The following CAMTA2 variants were observed in gnomAD, a reference collection of about 807,000 sequenced individuals.
CAMTA2 encodes calmodulin-binding transcription activator 2.
CAMTA2 carries 56 observed loss-of-function variants against 135.7 expected under a neutral mutation model. The ratio of observed to expected loss-of-function variants is 0.41; its 90% CI spans 0.33 to 0.52. CAMTA2 has a LOEUF of 0.52. Ranked by LOEUF, CAMTA2 falls within the 20% of genes least tolerant of loss-of-function variation. CAMTA2 has a pLI of 0.16. For missense variants in CAMTA2, 1,358 were observed against 1,553.4 expected, an observed-to-expected ratio of 0.87 and a Z score of 2.11; for synonymous variants, 591 against 604.6, an observed-to-expected ratio of 0.98 and a Z score of 0.33.
intron 1 of CAMTA2, chr17:4,987,048 GT>G: frequency 7.1e-7 from 1 of 1,411,376 alleles, no homozygotes; most frequent in East Asian, 2.9e-5. Flanking sequence ...TCCGCCAGGT[GT>G]CCAGGATGGA....
chr17:4,970,415 C>T lies in CAMTA2; in HGVS notation c.2930G>A (p.Gly977Glu). 6.2e-7 allele frequency: 1 copy of T among 1,614,174 alleles called. No individual in the cohort carries two copies. ...ASMRERTGAV[G>E]LSETMSWLAS... ...CAGCCAGGACATGGTCTCACTGAGC[C>T]CCACAGCCCCTGTCCGCTCCCGCAT... The change falls in exon 17 of 23, where the codon GGG (glycine) becomes GAG (glutamate). Residue 977 changes from glycine to glutamate, a missense_variant. Transcript: ENST00000348066.
chr17:4,980,564 T>C lies in CAMTA2; in HGVS notation c.758A>G (p.Lys253Arg). The change falls in exon 9 of 23, where the codon AAA becomes AGA. Residue 253 changes from lysine to arginine, a missense_variant. Lys to Arg is a conservative substitution (Grantham distance 26, BLOSUM62 2). Coordinates refer to ENST00000348066, the MANE Select transcript of CAMTA2 (RefSeq NM_015099.4). The surrounding 1 kb of genome is among the most constrained non-coding windows in gnomAD (Gnocchi z 5.3). ...SSTKHRIISP[K>R]VEPRALTLTS... ...CAGGGTTAAAGCTCGGGGCTCCACT[T>C]TGGGAGAGATGATGCGGTGTTTCGT... 1 of 1,613,850 alleles carries C rather than the reference T, an allele frequency of 6.2e-7. No individual in the cohort carries two copies. The highest frequency in any genetic ancestry group is 8.5e-7 in the Non-Finnish European group (1 of 1,179,936).
chr17:4,974,527 G>C (rs1370798521), intron 11 of CAMTA2, 27 bp from the exon 12 acceptor site: 1 of 1,448,592 alleles, frequency 6.9e-7, no homozygotes, highest in Non-Finnish European at 9.7e-7. Flanking sequence ...ATGGGAGGCT[G>C]AGTGGGCAGT....
At chr17:4,982,354 C>T (rs1233666630) in intron 5 of CAMTA2, 194 bp from the exon 6 acceptor site, 4 of 598,876 alleles carry the variant, frequency 6.7e-6, no homozygotes, top group Non-Finnish European at 1.2e-5. Context: ...GGGGCTGGGG[C>T]CTTATAGTGA....
At chr17:4,981,398 A>C (rs1277013558) in intron 7 of CAMTA2, 39 bp from the exon 8 acceptor site, 2 of 1,607,898 alleles carry the variant, frequency 1.2e-6, no homozygotes, top group African/African-American at 2.7e-5. Context: ...GATCCCCACG[A>C]AACAGGCCCC....
intron 11 of CAMTA2, chr17:4,974,750 A>G (rs913158047): frequency 9.6e-6 from 4 of 416,610 alleles, no homozygotes; most frequent in Non-Finnish European, 1.8e-5. Context: ...CCTTCAAGGT[A>G]CAGAGGTAGT....
In CAMTA2 at chr17:4,969,031, C is replaced by T. The variant is rs1200063133; in HGVS notation, c.3471-50G>A. Reference sequence around the variant, plus strand: ...CCTCACAGAAGGCATCGCATGCCTTCGGCCCCCCCAGGAACCCTAGGCAGG... The same window carrying T: ...CCTCACAGAAGGCATCGCATGCCTTTGGCCCCCCCAGGAACCCTAGGCAGG... On this transcript the variant is annotated intron_variant, in intron 21 of 22. Coordinates refer to ENST00000348066, the MANE Select transcript of CAMTA2 (RefSeq NM_015099.4). The surrounding 1 kb of genome is among the most constrained non-coding windows in gnomAD (Gnocchi z 5.6). 3 of 1,597,734 alleles carry T rather than the reference C, an allele frequency of 1.9e-6. No homozygotes were observed. Among genetic ancestry groups the T allele is most frequent in the Non-Finnish European group, 2.6e-6 (3 of 1,167,882 alleles).
Position 4,969,650 on chromosome 17 carries a change from A to G in CAMTA2, c.3241T>C (p.Cys1081Arg). ...CTCACCTGCTTGTACTTCCGGTAACAGCGCTGGATTACAGCTGCTGCTACC... is the reference window on the plus strand; with the variant it reads ...CTCACCTGCTTGTACTTCCGGTAACGGCGCTGGATTACAGCTGCTGCTACC... The part of the protein sequence containing the change: ...QEVAAAVIQR[C>R]YRKYKQLTWI... Residue 1081 changes from cysteine (C) to arginine (R), a missense_variant, in exon 19 of 23, where the codon TGT becomes CGT. By Grantham distance (180) the Cys-to-Arg change is radical. Coordinates refer to ENST00000348066, the MANE Select transcript of CAMTA2 (RefSeq NM_015099.4). This position sits in a 1 kb window ranked among gnomAD's most constrained non-coding sequence, Gnocchi z 5.6. The G allele has an allele frequency of 1.2e-6, 2 of 1,614,120 alleles. No homozygotes were observed. Among genetic ancestry groups the G allele is most frequent in the Non-Finnish European group, 1.7e-6 (2 of 1,180,026 alleles).
intron 11 of CAMTA2, among the ~76,000 whole-genome samples, chr17:4,976,059 G>T (rs577208835): frequency 6.6e-6 from 1 of 152,256 alleles, no homozygotes; most frequent in South Asian, 2.1e-4. Context: ...AGGCTGGAGT[G>T]CAGTGGCACA....
At chr17:4,973,501 C>A in intron 13 of CAMTA2, 84 bp downstream of exon 13, 1 of 1,389,998 alleles carries the variant, frequency 7.2e-7, no homozygotes. Context: ...CTTGGTAGGG[C>A]CCCAGGTCCT....
Position 4,980,520 on chromosome 17 carries a change from G to C in CAMTA2, c.802C>G (p.His268Asp), listed in dbSNP as rs746615701. ...ATCAGTGGAGGAGGCTCTGGGGGGT[G>C]AGCGTGGGGGATAGAGGTCAGGGTT... ...ALTLTSIPHA[H>D]PPEPPPLIAP... The change falls in exon 9 of 23, where the codon CAC becomes GAC. Residue 268 changes from histidine (H) to aspartate (D), a missense_variant. Around this residue, in one of 4 missense-constraint regions of CAMTA2, gnomAD observed 1,077 missense variants for 1,127.5 expected, o/e 0.96. Coordinates refer to ENST00000348066, the MANE Select transcript of CAMTA2 (RefSeq NM_015099.4). This position sits in a 1 kb window ranked among gnomAD's most constrained non-coding sequence, Gnocchi z 5.3. 1 of 1,609,984 alleles carries C rather than the reference G, an allele frequency of 6.2e-7. No homozygotes were observed. The highest frequency in any genetic ancestry group is 1.1e-5 in the South Asian group (1 of 90,938).
rs1567681956 is a variant in CAMTA2, at chr17:4,969,773, T to G, written c.3190-72A>C. Reference sequence around the variant, plus strand: ...ATCTGACTTGTCCCTTCAACTTTCCTGGGGTTCCCCTGACCCTTTACCCCA... The same window carrying G: ...ATCTGACTTGTCCCTTCAACTTTCCGGGGGTTCCCCTGACCCTTTACCCCA... On this transcript the variant is annotated intron_variant, in intron 18 of 22. Coordinates refer to ENST00000348066, the MANE Select transcript of CAMTA2 (RefSeq NM_015099.4). The surrounding 1 kb of genome is among the most constrained non-coding windows in gnomAD (Gnocchi z 5.6). 1 of 1,602,766 alleles carries G rather than the reference T, an allele frequency of 6.2e-7. No individual in the cohort carries two copies. The highest frequency in any genetic ancestry group is 8.5e-7 in the Non-Finnish European group (1 of 1,170,916).
Position 4,969,760 on chromosome 17 carries a change from C to G in CAMTA2, c.3190-59G>C. 1.2e-6 allele frequency: 2 copies of G among 1,606,292 alleles called. No individual in the cohort carries two copies. The highest frequency in any genetic ancestry group is 1.7e-6 in the Non-Finnish European group (2 of 1,173,760). On this transcript the variant is annotated intron_variant, in intron 18 of 22. Transcript: ENST00000348066. The surrounding 1 kb of genome is among the most constrained non-coding windows in gnomAD (Gnocchi z 5.6). Reference sequence around the variant, plus strand: ...CACATAATGGCATATCTGACTTGTCCCTTCAACTTTCCTGGGGTTCCCCTG... The same window carrying G: ...CACATAATGGCATATCTGACTTGTCGCTTCAACTTTCCTGGGGTTCCCCTG...
At chr17:4,987,230 T>C in intron 1 of CAMTA2, 1 of 1,340,188 alleles carries the variant, frequency 7.5e-7, no homozygotes, top group South Asian at 2.0e-5. Context: ...CGCTTGGCAC[T>C]CTGGGCGGCC....
At chr17:4,976,425 G>A (rs1021145043) in intron 11 of CAMTA2, among the ~76,000 whole-genome samples, 1 of 152,226 alleles carries the variant, frequency 6.6e-6, no homozygotes, top group Non-Finnish European at 1.5e-5. Context: ...ACAGCCGGGT[G>A]TGGTGGCTCA....
Position 4,981,236 on chromosome 17 carries a change from C to A in CAMTA2, c.689G>T (p.Ser230Ile), listed in dbSNP as rs1406373541. ...PAPRTHACLC[S>I]GGLGSGSLTH... is the part of the protein sequence containing the mutation. ...AGGGAGTAACTTACCAAGCCCCCCA[C>A]TGCAGAGACAGGCGTGGGTTCGGGG... Residue 230 changes from serine to isoleucine, a missense_variant, in exon 8 of 23, where the codon AGT becomes ATT. This residue lies in a region of CAMTA2 where 1,077 missense variants were observed against 1,127.5 expected (regional missense o/e 0.96). Transcript: ENST00000348066. 6 of 1,613,762 alleles carry A rather than the reference C, an allele frequency of 3.7e-6. No homozygotes were observed.
chr17:4,979,508 CAAA>C (rs5819002), intron 9 of CAMTA2, 173 bp downstream of exon 9: 2,580 of 204,628 alleles, frequency 0.013, 1 homozygote, highest in Middle Eastern at 0.025. Flanking sequence ...GAAACTGTCT[CAAA>C]AAAAAAAAAA....
rs746094389 is a variant in CAMTA2 at position 4,974,705 on chromosome 17, T to C, written c.1901-205A>G. ...AACTAGGGCTGTTAATACTACCCAC[T>C]GATCTAGAACCCAGATCTGGAACCA... On this transcript the variant is annotated intron_variant, in intron 11 of 22. Transcript: ENST00000348066. 5 of 521,200 alleles carry C rather than the reference T, an allele frequency of 9.6e-6. 1 individual carries two copies. Among genetic ancestry groups the C allele is most frequent in the South Asian group, 8.3e-5 (4 of 48,086 alleles). 32.3% of individuals were successfully genotyped at this position (521,200 alleles called of 1,614,324 possible).
At position 4,969,110 on chromosome 17, in the gene CAMTA2, A is replaced by G. The variant is rs996857155; in HGVS notation, c.3470+40T>C. 6.3e-7 allele frequency: 1 copy of G among 1,589,048 alleles called. No individual in the cohort carries two copies. The highest frequency in any genetic ancestry group is 1.1e-5 in the South Asian group (1 of 89,320). On this transcript the variant is annotated intron_variant, in intron 21 of 22. Coordinates refer to ENST00000348066, the MANE Select transcript of CAMTA2 (RefSeq NM_015099.4). The surrounding 1 kb of genome is among the most constrained non-coding windows in gnomAD (Gnocchi z 5.6). ...GGATGAGTAAGGGGGAATGGCGTGG[A>G]TGCAGTGGGTGGGCACAGAGGGCTG...
Sources: allele counts gnomAD v4.1 joint callset (sites outside exome capture counted in the v4.1 genomes callset), GRCh38; gene constraint gnomAD v4.1.1; regional missense constraint gnomAD v4.1.1; non-coding constraint Gnocchi (gnomAD v3.1); transcripts MANE v1.5; gene names NCBI Gene and HGNC (gene_info 2026-07-23, HGNC 2026-07-21).